The following DPP10 variants were observed in gnomAD, a reference collection of about 807,000 sequenced individuals.
DPP10 encodes the protein dipeptidyl peptidase like 10.
In DPP10, 33 loss-of-function variants were observed where a neutral mutation model predicts 120.9. The ratio of observed to expected loss-of-function variants is 0.27; its 90% confidence interval spans 0.21 to 0.37. The LOEUF (loss-of-function observed/expected upper bound fraction) is 0.37. Among genes scored for constraint, DPP10 ranks in the 10% least tolerant of loss-of-function variants. The probability of loss-of-function intolerance (pLI) is 1.00; values close to 1 mark genes in which losing one functional copy is unlikely to be tolerated. For missense variants in DPP10, 816 were observed against 942.8 expected (o/e 0.87, Z 1.76); for synonymous variants, 337 against 326.1 (o/e 1.03, Z -0.36).
At chr2:115,059,912 C>T (rs1272228939) in intron 1 of DPP10, among the ~76,000 whole-genome samples, 2 of 151,970 alleles carry the variant, frequency 1.3e-5, no homozygotes, top group African/African-American at 2.4e-5. Context: ...TTTATTTTCC[C>T]AAAATATGCA....
intron 1 of DPP10, among the ~76,000 whole-genome samples, chr2:115,223,924 C>T (rs1363265729): frequency 6.6e-6 from 1 of 152,086 alleles, no homozygotes; most frequent in Non-Finnish European, 1.5e-5. Flanking sequence ...ATTATGTAGC[C>T]ATTAAAATGA....
chr2:115,156,708 A>G (rs1458985585), intron 1 of DPP10, among the ~76,000 whole-genome samples: 2 of 152,194 alleles, frequency 1.3e-5, no homozygotes, highest in African/African-American at 4.8e-5. Context: ...TCATTAGGGA[A>G]TCTTGTCTTG....
intron 1 of DPP10, among the ~76,000 whole-genome samples, chr2:115,296,609 T>G (rs1024617876): frequency 2.0e-5 from 3 of 152,044 alleles, no homozygotes; most frequent in Admixed American, 6.6e-5. Flanking sequence ...GATTTGATCT[T>G]TAGCGTTTCT....
At chr2:115,723,732 A>G (rs960841304) in intron 7 of DPP10, among the ~76,000 whole-genome samples, 1 of 151,574 alleles carries the variant, frequency 6.6e-6, no homozygotes, top group African/African-American at 2.4e-5. Context: ...ATAACACATT[A>G]TAATTTCACA....
intron 1 of DPP10, among the ~76,000 whole-genome samples, chr2:115,050,943 C>G (rs528999924): frequency 1.3e-5 from 2 of 152,250 alleles, no homozygotes; most frequent in South Asian, 4.1e-4. Context: ...AGAATACAGA[C>G]TTTATGATAT....
intron 1 of DPP10, among the ~76,000 whole-genome samples, chr2:114,449,400 G>C (rs1678124366): frequency 6.6e-6 from 1 of 151,830 alleles, no homozygotes; most frequent in South Asian, 2.1e-4. Context: ...GGGATAAGCT[G>C]TGAAATAAGG....
chr2:115,210,091 T>C (rs2056406274), intron 1 of DPP10, among the ~76,000 whole-genome samples: 1 of 152,162 alleles, frequency 6.6e-6, no homozygotes, highest in Non-Finnish European at 1.5e-5. Context: ...TACGTATGTA[T>C]ACATGTGCCA....
At chr2:114,544,476 A>G (rs1687210106) in intron 1 of DPP10, among the ~76,000 whole-genome samples, 1 of 152,222 alleles carries the variant, frequency 6.6e-6, no homozygotes, top group East Asian at 1.9e-4. Flanking sequence ...TGTGATTGAT[A>G]AAACACTTGG....
At chr2:115,551,048 A>G (rs2079840211) in intron 5 of DPP10, among the ~76,000 whole-genome samples, 1 of 152,070 alleles carries the variant, frequency 6.6e-6, no homozygotes, top group Non-Finnish European at 1.5e-5. Flanking sequence ...AGATCTGGCA[A>G]TATTGGCATA....
intron 1 of DPP10, among the ~76,000 whole-genome samples, chr2:115,230,414 T>C (rs1269554822): frequency 6.6e-6 from 1 of 152,056 alleles, no homozygotes; most frequent in African/African-American, 2.4e-5. Context: ...CAGTTCTTTC[T>C]CTTGTCTGAT....
chr2:115,115,873 T>C lies in DPP10; in HGVS notation c.61-193366T>C, dbSNP rs561172294. ...AGTGTTGTGAAAATGGTGCACAACC[T>C]ACACAGTATTCAGGGATCGCAAAGT... On this transcript the variant is annotated intron_variant, in intron 1 of 25. Coordinates refer to ENST00000410059, the MANE Select transcript of DPP10 (RefSeq NM_020868.6). Among the ~76,000 whole-genome samples the C allele has an allele frequency of 9.8e-5, 15 of 152,296 alleles. 1 individual carries two copies. In the South Asian group the frequency reaches 2.9e-3, roughly 29 times the overall value.
chr2:114,478,550 A>C (rs562506359), intron 1 of DPP10, among the ~76,000 whole-genome samples: 49 of 152,178 alleles, frequency 3.2e-4, no homozygotes, highest in Admixed American at 2.9e-3. Context: ...CAGCATTGGA[A>C]GTTCTAGCCA....
intron 1 of DPP10, among the ~76,000 whole-genome samples, chr2:114,514,889 A>G (rs1684465168): frequency 6.6e-6 from 1 of 151,450 alleles, no homozygotes; most frequent in African/African-American, 2.4e-5. Context: ...CATTACTCCT[A>G]TTGCCAATAG....
At chr2:115,537,795 G>A (rs1042657686) in intron 5 of DPP10, among the ~76,000 whole-genome samples, 2 of 151,898 alleles carry the variant, frequency 1.3e-5, no homozygotes, top group African/African-American at 4.8e-5. Flanking sequence ...TTTCCCACTC[G>A]AAGGCTTAGG....
intron 1 of DPP10, among the ~76,000 whole-genome samples, chr2:114,776,845 G>T (rs1296042858): frequency 6.6e-6 from 1 of 152,020 alleles, no homozygotes; most frequent in Admixed American, 6.6e-5. Flanking sequence ...TCTCTGAGCA[G>T]TGTGAGTTTT....
chr2:115,713,038 T>C (rs1430646265), intron 7 of DPP10, among the ~76,000 whole-genome samples: 1 of 152,076 alleles, frequency 6.6e-6, no homozygotes, highest in Non-Finnish European at 1.5e-5. Flanking sequence ...AAAATCACTC[T>C]TCTACAATGA....
At chr2:115,330,646 T>C (rs1313052250) in intron 2 of DPP10, among the ~76,000 whole-genome samples, 1 of 152,080 alleles carries the variant, frequency 6.6e-6, no homozygotes, top group East Asian at 1.9e-4. Context: ...TTCAGCTTTC[T>C]ACATATGGCT....
rs1705231838 is a variant in DPP10, at chr2:115,048,534, T to A, written c.61-260705T>A. Among the ~76,000 whole-genome samples, 7 of 152,188 alleles carry A rather than the reference T, an allele frequency of 4.6e-5. No homozygotes were observed. In the South Asian group the frequency reaches 1.5e-3, roughly 32 times the overall value. ...TTCCTGCTTAAAATCACCAGTTGTT[T>A]TTTATTTGGCTCATGATAAAGTCCA... On this transcript the variant is annotated intron_variant, in intron 1 of 25. Coordinates refer to ENST00000410059, the MANE Select transcript of DPP10 (RefSeq NM_020868.6).
chr2:115,299,054 G>A (rs1312017814), intron 1 of DPP10, among the ~76,000 whole-genome samples: 1 of 151,994 alleles, frequency 6.6e-6, no homozygotes, highest in Non-Finnish European at 1.5e-5. Context: ...TATGGAGGAT[G>A]TTTTACATAT....
Sources: gnomAD v4.1 joint callset for allele counts (sites outside exome capture counted in the v4.1 genomes callset) on GRCh38, gnomAD v4.1.1 for gene constraint, MANE v1.5 for transcripts, NCBI Gene and HGNC (gene_info 2026-07-23, HGNC 2026-07-21) for gene names.